TLCD4: variants seen among roughly 807,000 people sequenced by gnomAD.
The protein encoded by TLCD4 is TLC domain-containing protein 4.
A neutral mutation model predicts 24.2 loss-of-function variants in TLCD4; 7 were observed. The ratio of observed to expected loss-of-function variants is 0.29; its 90% CI spans 0.16 to 0.54. The LOEUF (loss-of-function observed/expected upper bound fraction) is 0.54. TLCD4 is among the 20% of genes least tolerant of loss of function. The pLI, the probability that TLCD4 is intolerant of heterozygous loss-of-function variation, is 0.95. For missense variants in TLCD4, 259 were observed against 313.9 expected (o/e 0.82, Z 1.32); for synonymous variants, 103 against 106.4 (o/e 0.97, Z 0.20).
chr1:95,114,549 T>G (rs749703360), upstream of TLCD4, among the ~76,000 whole-genome samples: 18 of 152,168 alleles, frequency 1.2e-4, no homozygotes, highest in Admixed American at 2.6e-4. Flanking sequence ...TTTAAAACAG[T>G]TTTTGGCTGG....
intron 1 of TLCD4, among the ~76,000 whole-genome samples, chr1:95,128,290 T>C (rs1317952902): frequency 6.6e-6 from 1 of 152,170 alleles, no homozygotes; most frequent in African/African-American, 2.4e-5. Context: ...TTCATTCTGC[T>C]TGTTAAGCAT....
At chr1:95,127,106 C>T (rs912618653) in intron 1 of TLCD4, among the ~76,000 whole-genome samples, 3 of 152,218 alleles carry the variant, frequency 2.0e-5, no homozygotes, top group Non-Finnish European at 4.4e-5. Flanking sequence ...ACCCGCAGGT[C>T]ACAGAGGTTG....
intron 1 of TLCD4, among the ~76,000 whole-genome samples, chr1:95,124,550 G>GT (rs1358988786): frequency 6.6e-6 from 1 of 152,146 alleles, no homozygotes; most frequent in African/African-American, 2.4e-5. Flanking sequence ...CTAGCCAGGG[G>GT]TATCATGCCA....
At chr1:95,188,096 A>G (rs1055069948) in intron 6 of TLCD4, among the ~76,000 whole-genome samples, 3 of 152,144 alleles carry the variant, frequency 2.0e-5, no homozygotes, top group African/African-American at 7.2e-5. Context: ...GGGCTTCAAC[A>G]TAAGAATTTA....
the TLCD4 span, among the ~76,000 whole-genome samples, chr1:95,112,010 T>C: frequency 6.6e-6 from 1 of 152,188 alleles, no homozygotes; most frequent in Non-Finnish European, 1.5e-5. Context: ...AAGGAATTAT[T>C]TTGGTCAAGG....
intron 1 of TLCD4, chr1:95,121,177 T>A (rs1046705902): frequency 6.6e-6 from 1 of 152,224 alleles, no homozygotes; most frequent in African/African-American, 2.4e-5. Context: ...AGGAGTGAAC[T>A]TGGATATGTA....
At chr1:95,190,515 G>C (rs1237673137) in intron 6 of TLCD4, among the ~76,000 whole-genome samples, 1 of 152,066 alleles carries the variant, frequency 6.6e-6, no homozygotes, top group Non-Finnish European at 1.5e-5. Context: ...TTTTAGTAGA[G>C]ACGGGGTTTC....
rs142115245 is a variant in TLCD4, at chr1:95,128,618, C to A, written c.-12+11001C>A. On this transcript the variant is annotated intron_variant, in intron 1 of 6. Transcript: ENST00000370203. ...GAGGTGGGATAGCCTCCTACCCTTG[C>A]TGTGTCAGAATATCTTGGTGTAGGG... 2.7e-3 allele frequency among the ~76,000 whole-genome samples: 406 copies of A among 152,184 alleles called. 3 individuals are homozygous for A. The highest frequency in any genetic ancestry group is 9.3e-3 in the African/African-American group (387 of 41,518).
At chr1:95,142,494 A>G (rs1398953259) in intron 1 of TLCD4, among the ~76,000 whole-genome samples, 1 of 152,138 alleles carries the variant, frequency 6.6e-6, no homozygotes, top group African/African-American at 2.4e-5. Context: ...GAATGAAGCA[A>G]TGAAAGTAGC....
rs552582433 is a variant in TLCD4, at chr1:95,151,953, A to G, written c.399+534A>G. Among the ~76,000 whole-genome samples, 12 of 152,258 alleles carry G rather than the reference A, an allele frequency of 7.9e-5. No homozygotes were observed. In the East Asian group the frequency reaches 2.3e-3, roughly 29 times the overall value. The stretch of plus-strand genomic sequence containing the variant: ...TAAATTATATATCTAAAATTTCTAC[A>G]TATACATATGTAAACTAGCAACTTT... On this transcript the variant is annotated intron_variant, in intron 5 of 6. Transcript: ENST00000370203.
chr1:95,163,303 C>T (rs1049967571), intron 5 of TLCD4: 3 of 152,158 alleles, frequency 2.0e-5, no homozygotes, highest in South Asian at 2.1e-4. Flanking sequence ...GCTACTGAAG[C>T]TTGTGCATGT....
chr1:95,103,065 G>A, the TLCD4 span, among the ~76,000 whole-genome samples: 6 of 151,746 alleles, frequency 4.0e-5, no homozygotes, highest in African/African-American at 1.5e-4. Context: ...TGCAACCTCC[G>A]CCTCCCAGGT....
At chr1:95,121,998 A>G (rs1571720417) in intron 1 of TLCD4, among the ~76,000 whole-genome samples, 1 of 152,146 alleles carries the variant, frequency 6.6e-6, no homozygotes, top group South Asian at 2.1e-4. Context: ...TAGGCTTTTG[A>G]TTTCCTTTTC....
At chr1:95,095,890 A>T in the TLCD4 span, among the ~76,000 whole-genome samples, 1 of 152,326 alleles carries the variant, frequency 6.6e-6, no homozygotes, top group Middle Eastern at 3.4e-3. Flanking sequence ...TTAAGAGAAA[A>T]ATTACAACAT....
chr1:95,170,330 C>CTTTTT (rs10664436), intron 5 of TLCD4, among the ~76,000 whole-genome samples: 8 of 126,608 alleles, frequency 6.3e-5, no homozygotes, highest in Admixed American at 8.6e-5. Flanking sequence ...ACAAATCATT[C>CTTTTT]TTTTTTTTTT....
At chr1:95,191,005 T>C (rs1679009998) in intron 6 of TLCD4, among the ~76,000 whole-genome samples, 1 of 152,216 alleles carries the variant, frequency 6.6e-6, no homozygotes, top group Non-Finnish European at 1.5e-5. Context: ...TTTTCTTCCA[T>C]GGATGACACT....
intron 1 of TLCD4, among the ~76,000 whole-genome samples, chr1:95,139,454 G>GTTTTTTTTTTTTT (rs1557681913): frequency 5.2e-5 from 3 of 57,478 alleles, no homozygotes; most frequent in Non-Finnish European, 1.1e-4. Context: ...TTAAACCTTT[G>GTTTTTTTTTTTTT]ATTTTTTTTT....
intron 6 of TLCD4, among the ~76,000 whole-genome samples, chr1:95,187,783 G>A (rs2101021788): frequency 6.6e-6 from 1 of 152,180 alleles, no homozygotes; most frequent in South Asian, 2.1e-4. Context: ...CACAGTCTGG[G>A]TGGCTTAAAT....
chr1:95,099,053 CAA>C, the TLCD4 span, among the ~76,000 whole-genome samples: 36 of 70,650 alleles, frequency 5.1e-4, no homozygotes, highest in South Asian at 1.2e-3. Flanking sequence ...AACTCTGTCT[CAA>C]AAAAAAAAAA....
Sources: allele counts gnomAD v4.1 joint callset (sites outside exome capture counted in the v4.1 genomes callset), GRCh38; gene constraint gnomAD v4.1.1; transcripts MANE v1.5; gene names NCBI Gene and HGNC (gene_info 2026-07-23, HGNC 2026-07-21).